Variants in CEP128 observed in about 807,000 individuals in gnomAD.
The protein encoded by CEP128 is centrosomal protein 128.
A neutral mutation model predicts 156.7 loss-of-function variants in CEP128; 132 were observed. That is an observed-to-expected ratio of 0.84 (90% CI 0.73 to 0.97). CEP128 has a LOEUF of 0.97. Ranked by LOEUF, CEP128 falls within the 50% of genes least tolerant of loss-of-function variation. The probability of loss-of-function intolerance (pLI) is 0.00; values close to 1 mark genes in which losing one functional copy is unlikely to be tolerated. For missense variants in CEP128, 1,252 were observed against 1,281.9 expected, an observed-to-expected ratio of 0.98 and a Z score of 0.36; for synonymous variants, 469 against 448.9, an observed-to-expected ratio of 1.04 and a Z score of -0.57.
At chr14:80,704,895 G>A (rs952129091) in intron 19 of CEP128, among the ~76,000 whole-genome samples, 1 of 151,702 alleles carries the variant, frequency 6.6e-6, no homozygotes, top group African/African-American at 2.4e-5. Flanking sequence ...TCAGTTTAAT[G>A]AGCTGATATA....
At chr14:80,678,855 C>T (rs1896196849) in intron 19 of CEP128, among the ~76,000 whole-genome samples, 6 of 152,054 alleles carry the variant, frequency 3.9e-5, no homozygotes, top group Admixed American at 3.3e-4. Context: ...TCAGGGACCC[C>T]GAACAGAGGG....
intron 18 of CEP128, among the ~76,000 whole-genome samples, chr14:80,755,330 T>C (rs914677193): frequency 3.3e-5 from 5 of 152,200 alleles, no homozygotes; most frequent in South Asian, 2.1e-4. Context: ...CCTTTAAAAA[T>C]AGATCTATTC....
In CEP128 at chr14:80,853,518, T is replaced by TAA. The variant is rs35708496; in HGVS notation, c.762+9237_762+9238dup. ...AAATAACCAATTAGAGATGCAATTT[T>TAA]AAAAAAAAATCCCATTCCAGATAGA... On this transcript the variant is annotated intron_variant, in intron 9 of 24. Coordinates refer to ENST00000555265, the MANE Select transcript of CEP128 (RefSeq NM_152446.5). Among the ~76,000 whole-genome samples, 20 of 150,540 alleles carry TAA rather than the reference T, an allele frequency of 1.3e-4. No homozygotes were observed. In the Middle Eastern group the frequency reaches 0.01, roughly 77 times the overall value.
At chr14:80,709,071 AT>A (rs1156332908) in intron 19 of CEP128, among the ~76,000 whole-genome samples, 3 of 151,266 alleles carry the variant, frequency 2.0e-5, no homozygotes, top group Non-Finnish European at 1.5e-5. Context: ...TAATAAAAAA[AT>A]AAAAATATAA....
chr14:80,518,500 G>C (rs1226931908), intron 23 of CEP128, among the ~76,000 whole-genome samples: 1 of 152,110 alleles, frequency 6.6e-6, no homozygotes, highest in Non-Finnish European at 1.5e-5. Flanking sequence ...TAATAGTATT[G>C]TTCAAGTCTT....
chr14:80,874,984 A>G (rs948080516), intron 8 of CEP128, among the ~76,000 whole-genome samples: 1 of 152,244 alleles, frequency 6.6e-6, no homozygotes, highest in African/African-American at 2.4e-5. Context: ...AATAACATGC[A>G]GAAGAAAGAA....
chr14:80,821,600 T>TACACACACACAC (rs71103885), intron 13 of CEP128, among the ~76,000 whole-genome samples: 61 of 145,276 alleles, frequency 4.2e-4, no homozygotes, highest in African/African-American at 5.7e-4. Context: ...CATACACACA[T>TACACACACACAC]ACACACACAC....
At chr14:80,715,614 G>T (rs1897575148) in intron 19 of CEP128, among the ~76,000 whole-genome samples, 1 of 152,156 alleles carries the variant, frequency 6.6e-6, no homozygotes, top group African/African-American at 2.4e-5. Context: ...CAAACAGAAG[G>T]AGCAAGTGCA....
intron 9 of CEP128, among the ~76,000 whole-genome samples, chr14:80,862,197 G>A (rs1376803328): frequency 6.6e-6 from 1 of 152,080 alleles, no homozygotes; most frequent in African/African-American, 2.4e-5. Context: ...TAAACTCCAT[G>A]GGCCATATAT....
chr14:80,508,983 G>A (rs113988433), intron 23 of CEP128, among the ~76,000 whole-genome samples: 6 of 152,216 alleles, frequency 3.9e-5, no homozygotes, highest in South Asian at 4.1e-4. Context: ...CAATCATGGC[G>A]GAAGGAGAAG....
At chr14:80,524,493 C>T (rs1442569842) in intron 23 of CEP128, among the ~76,000 whole-genome samples, 1 of 152,136 alleles carries the variant, frequency 6.6e-6, no homozygotes, top group Non-Finnish European at 1.5e-5. Flanking sequence ...CAAGAAATGA[C>T]TAACACAACT....
intron 19 of CEP128, among the ~76,000 whole-genome samples, chr14:80,625,792 CCT>C (rs991706310): frequency 2.0e-5 from 3 of 150,964 alleles, no homozygotes; most frequent in Admixed American, 2.0e-4. Context: ...TTCCTTCTTT[CCT>C]CTTTTTCTTT....
intron 8 of CEP128, among the ~76,000 whole-genome samples, chr14:80,884,129 A>T (rs951556808): frequency 3.3e-5 from 5 of 152,214 alleles, no homozygotes; most frequent in Non-Finnish European, 7.3e-5. Context: ...TATTACAAAG[A>T]AACACTGGGG....
chr14:80,528,068 T>C (rs999846912), intron 22 of CEP128, among the ~76,000 whole-genome samples: 5 of 151,858 alleles, frequency 3.3e-5, no homozygotes, highest in African/African-American at 9.7e-5. Flanking sequence ...TTAAACTTAC[T>C]GAGTGTTCAA....
upstream of CEP128, among the ~76,000 whole-genome samples, chr14:80,941,942 C>T (rs990961363): frequency 7.2e-5 from 11 of 152,016 alleles, no homozygotes; most frequent in African/African-American, 2.7e-4. Context: ...GCCCTCTTGC[C>T]CTGCTCTATT....
At chr14:80,831,355 A>C in intron 12 of CEP128, 61 bp from the exon 13 acceptor site, 2 of 1,518,252 alleles carry the variant, frequency 1.3e-6, no homozygotes, top group Non-Finnish European at 1.8e-6. Flanking sequence ...ATGTACTTTC[A>C]AATAGTACTG....
At chr14:80,899,623 G>A (rs552095617) in intron 7 of CEP128, among the ~76,000 whole-genome samples, 31 of 152,042 alleles carry the variant, frequency 2.0e-4, no homozygotes, top group African/African-American at 2.9e-4. Flanking sequence ...GTAGCGAGTC[G>A]GTCTTTGTGT....
At chr14:80,894,375 C>A (rs944733218) in intron 8 of CEP128, among the ~76,000 whole-genome samples, 20 of 151,884 alleles carry the variant, frequency 1.3e-4, no homozygotes, top group Admixed American at 1.3e-3. Flanking sequence ...GTAAATCAGG[C>A]AATAGCACAG....
intron 13 of CEP128, chr14:80,822,936 GT>G (rs1885269326): frequency 1.7e-5 from 8 of 464,306 alleles, no homozygotes; most frequent in Admixed American, 9.5e-5. Context: ...CTTCATTGTT[GT>G]TTTTGGGGGA....
Sources: gnomAD v4.1 joint callset for allele counts (sites outside exome capture counted in the v4.1 genomes callset) on GRCh38, gnomAD v4.1.1 for gene constraint, MANE v1.5 for transcripts, NCBI Gene and HGNC (gene_info 2026-07-23, HGNC 2026-07-21) for gene names.